Variants in STAG2 observed in about 807,000 individuals in gnomAD.
The protein encoded by STAG2 is STAG2 cohesin complex component.
STAG2 carries 14 observed loss-of-function variants against 108.1 expected under a neutral mutation model. The ratio of observed to expected loss-of-function variants is 0.13; its 90% confidence interval spans 0.09 to 0.20. STAG2 has a LOEUF of 0.20. Ranked by LOEUF, STAG2 falls within the 10% of genes least tolerant of loss-of-function variation. The pLI is 1.00. For missense variants in STAG2, 440 were observed against 940.9 expected, an observed-to-expected ratio of 0.47 and a Z score of 6.96; for synonymous variants, 307 against 302.7, an observed-to-expected ratio of 1.01 and a Z score of -0.15.
intron 30 of STAG2, among the ~76,000 whole-genome samples, chrX:124,089,290 A>G (rs1415897612): frequency 8.9e-6 from 1 of 112,422 alleles, no homozygotes; most frequent in Non-Finnish European, 1.9e-5. Flanking sequence ...CTCCCAGGTC[A>G]GTGATTTTAA....
intron 1 of STAG2, among the ~76,000 whole-genome samples, chrX:123,987,906 C>T (rs1405472001): frequency 9.0e-6 from 1 of 110,613 alleles, no homozygotes; most frequent in Non-Finnish European, 1.9e-5. Context: ...ACAGAAGTGC[C>T]TAGAAGTGCA....
intron 1 of STAG2, among the ~76,000 whole-genome samples, chrX:124,002,966 TTTTG>T (rs939211560): frequency 7.5e-5 from 8 of 107,031 alleles, no homozygotes; most frequent in Admixed American, 4.0e-4. Context: ...ACACCTGATT[TTTTG>T]TTTGTTTGTT....
intron 5 of STAG2, among the ~76,000 whole-genome samples, chrX:124,033,022 C>A (rs190289987): frequency 8.9e-6 from 1 of 112,253 alleles, no homozygotes; most frequent in African/African-American, 3.2e-5. Context: ...TTTGAGCTTT[C>A]GCCAATTTTA....
intron 1 of STAG2, among the ~76,000 whole-genome samples, chrX:123,981,071 T>TTATTATCAA (rs1361761227): frequency 9.0e-6 from 1 of 111,173 alleles, no homozygotes; most frequent in African/African-American, 3.3e-5. Context: ...TACAGGGAAA[T>TTATTATCAA]TATTATCAAT....
At chrX:124,096,722 C>A (rs957277292) in intron 34 of STAG2, among the ~76,000 whole-genome samples, 1 of 112,022 alleles carries the variant, frequency 8.9e-6, no homozygotes, top group Admixed American at 9.5e-5. Context: ...GTTCCTTGTT[C>A]CTCACACCTA....
At chrX:124,048,218 C>G (rs1442390934) in intron 9 of STAG2, among the ~76,000 whole-genome samples, 1 of 111,516 alleles carries the variant, frequency 9.0e-6, no homozygotes, top group African/African-American at 3.3e-5. Flanking sequence ...GAATTAGTAG[C>G]TAATTTTAAA....
chrX:123,988,287 A>G (rs2055290791), intron 1 of STAG2, among the ~76,000 whole-genome samples: 1 of 111,585 alleles, frequency 9.0e-6, no homozygotes, highest in Non-Finnish European at 1.9e-5. Flanking sequence ...CTTTTAGCAT[A>G]CTATCATTCA....
At chrX:124,018,281 C>T (rs978429581) in intron 1 of STAG2, among the ~76,000 whole-genome samples, 2 of 112,098 alleles carry the variant, frequency 1.8e-5, no homozygotes, top group Admixed American at 9.5e-5. Context: ...GTTAATAACC[C>T]GCAATAGTGC....
Position 124,061,885 on chromosome X carries a change from C to G in STAG2, c.1638+11C>G. The G allele has an allele frequency of 9.0e-7, 1 of 1,115,620 alleles. No homozygotes were observed. The highest frequency in any genetic ancestry group is 1.2e-6 in the Non-Finnish European group (1 of 826,953). 91.9% of individuals were successfully genotyped at this position (1,115,620 alleles called of 1,213,427 possible). On this transcript the variant is annotated intron_variant, in intron 17 of 34. Coordinates refer to ENST00000371145, the MANE Select transcript of STAG2 (RefSeq NM_001042750.2). ...GGGACAGGAAAAAGGGTATGCCAAT[C>G]AATGTCTTTTCAATATTCTAAACTC...
At chrX:123,996,472 A>G (rs2055742955) in intron 1 of STAG2, among the ~76,000 whole-genome samples, 1 of 112,017 alleles carries the variant, frequency 8.9e-6, no homozygotes, top group Admixed American at 9.5e-5. Flanking sequence ...TTGTCTAACC[A>G]TCACTACAAT....
intron 32 of STAG2, chrX:124,093,790 T>TA: frequency 2.8e-6 from 1 of 353,873 alleles, no homozygotes; most frequent in East Asian, 5.0e-5. Flanking sequence ...ACTATAAAGC[T>TA]AAATGTACTG....
intron 25 of STAG2, among the ~76,000 whole-genome samples, chrX:124,074,511 A>G (rs1317183090): frequency 9.0e-6 from 1 of 111,730 alleles, no homozygotes; most frequent in Non-Finnish European, 1.9e-5. Flanking sequence ...ATATTTTGCT[A>G]AAGTGGTTGT....
chrX:124,023,339 T>C (rs1404938129), intron 3 of STAG2, among the ~76,000 whole-genome samples: 1 of 111,716 alleles, frequency 9.0e-6, no homozygotes, highest in Non-Finnish European at 1.9e-5. Context: ...TTAGGATCTT[T>C]ATGAGACTTG....
At chrX:124,065,001 G>A (rs1295664849) in intron 20 of STAG2, among the ~76,000 whole-genome samples, 1 of 111,414 alleles carries the variant, frequency 9.0e-6, no homozygotes, top group Admixed American at 9.5e-5. Flanking sequence ...AATGCTGTAA[G>A]ATCATATGGA....
intron 1 of STAG2, among the ~76,000 whole-genome samples, chrX:124,008,513 C>T (rs1457106644): frequency 2.7e-5 from 3 of 110,546 alleles, no homozygotes; most frequent in Non-Finnish European, 5.7e-5. Context: ...GTGCCCAGCC[C>T]TATTATTAAT....
intron 1 of STAG2, among the ~76,000 whole-genome samples, chrX:124,009,598 T>C (rs1461510502): frequency 1.8e-5 from 2 of 111,448 alleles, no homozygotes; most frequent in Non-Finnish European, 3.8e-5. Context: ...TTTAGTATGC[T>C]AACCGTTGGA....
chrX:124,041,485 CTA>C (rs1281642760), intron 6 of STAG2, among the ~76,000 whole-genome samples: 5 of 110,975 alleles, frequency 4.5e-5, no homozygotes, highest in African/African-American at 1.3e-4. Flanking sequence ...TGAAAAAAAT[CTA>C]TGTTAATTAT....
chrX:124,041,542 T>A (rs2057720291), intron 6 of STAG2, among the ~76,000 whole-genome samples: 1 of 111,426 alleles, frequency 9.0e-6, no homozygotes, highest in African/African-American at 3.3e-5. Flanking sequence ...ACCAAGACAT[T>A]CTTCTTTTAG....
intron 23 of STAG2, among the ~76,000 whole-genome samples, chrX:124,066,943 G>T (rs993579068): frequency 8.9e-6 from 1 of 111,856 alleles, no homozygotes; most frequent in East Asian, 2.8e-4. Context: ...AATGTGTTTA[G>T]TAATTGAACT....
Sources: allele counts gnomAD v4.1 joint callset (sites outside exome capture counted in the v4.1 genomes callset), GRCh38; gene constraint gnomAD v4.1.1; transcripts MANE v1.5; gene names NCBI Gene and HGNC (gene_info 2026-07-23, HGNC 2026-07-21).